The following ZNF503 variants were observed in gnomAD, a reference collection of about 807,000 sequenced individuals.
ZNF503 encodes the protein NocA-like zinc finger 2.
In ZNF503, 15 loss-of-function variants were observed where a neutral mutation model predicts 34.4. The ratio of observed to expected loss-of-function variants is 0.44; its 90% CI spans 0.29 to 0.67. ZNF503 has a LOEUF of 0.67. Ranked by LOEUF, ZNF503 falls within the 30% of genes least tolerant of loss-of-function variation. ZNF503 has a pLI of 0.13. For missense variants in ZNF503, 1,007 were observed against 926.8 expected, an observed-to-expected ratio of 1.09 and a Z score of -1.12; for synonymous variants, 580 against 456.8, an observed-to-expected ratio of 1.27 and a Z score of -3.44.
the ZNF503 span, among the ~76,000 whole-genome samples, chr10:75,306,798 A>C: frequency 1.6e-4 from 25 of 152,238 alleles, no homozygotes; most frequent in South Asian, 2.1e-3. Flanking sequence ...ATCTGTGATC[A>C]ATGATCTTAG....
the ZNF503 span, among the ~76,000 whole-genome samples, chr10:75,333,204 C>T: frequency 6.8e-5 from 8 of 117,256 alleles, no homozygotes; most frequent in East Asian, 2.6e-4. Flanking sequence ...CCTCACCTCC[C>T]GGACGGGGCG....
the ZNF503 span, among the ~76,000 whole-genome samples, chr10:75,329,402 C>CT: frequency 9.5e-5 from 8 of 84,240 alleles, no homozygotes; most frequent in African/African-American, 3.6e-4. Context: ...TCCTTCCTTC[C>CT]TTCCTTCCTT....
the ZNF503 span, among the ~76,000 whole-genome samples, chr10:75,304,482 G>T: frequency 6.6e-6 from 1 of 152,078 alleles, no homozygotes; most frequent in Non-Finnish European, 1.5e-5. Flanking sequence ...AAAACATATG[G>T]AGTCATGCCT....
At chr10:75,297,569 A>T in the ZNF503 span, among the ~76,000 whole-genome samples, 1 of 152,218 alleles carries the variant, frequency 6.6e-6, no homozygotes. Context: ...TAGCTCTAGA[A>T]ATGGGTATTA....
the ZNF503 span, among the ~76,000 whole-genome samples, chr10:75,376,673 T>A: frequency 3.3e-5 from 5 of 151,798 alleles, no homozygotes; most frequent in Admixed American, 2.6e-4. Context: ...CAAAAAAACC[T>A]GAGACTGGTT....
the ZNF503 span, among the ~76,000 whole-genome samples, chr10:75,280,555 C>CGTGT: frequency 0.031 from 4,510 of 146,564 alleles, 134 homozygotes; most frequent in African/African-American, 0.072. Flanking sequence ...GGTGTGTATG[C>CGTGT]GTGTGTGTGT....
the ZNF503 span, among the ~76,000 whole-genome samples, chr10:75,313,058 T>G: frequency 1.3e-5 from 2 of 152,204 alleles, no homozygotes; most frequent in East Asian, 3.9e-4. Flanking sequence ...TCCCCAGCCA[T>G]GTGGAACTGT....
At chr10:75,383,593 G>A in the ZNF503 span, among the ~76,000 whole-genome samples, 3 of 152,156 alleles carry the variant, frequency 2.0e-5, no homozygotes, top group South Asian at 6.2e-4. Context: ...TGACTCAGCC[G>A]CTCAGTCTCC....
At chr10:75,382,140 T>A in the ZNF503 span, among the ~76,000 whole-genome samples, 2 of 152,024 alleles carry the variant, frequency 1.3e-5, no homozygotes, top group African/African-American at 2.4e-5. Context: ...AACAAACCCA[T>A]AATTCAGTTC....
chr10:75,380,835 T>C, the ZNF503 span, among the ~76,000 whole-genome samples: 1 of 152,180 alleles, frequency 6.6e-6, no homozygotes, highest in Non-Finnish European at 1.5e-5. Context: ...CCATGCAATT[T>C]TATGTCTGAA....
chr10:75,314,123 A>G, the ZNF503 span, among the ~76,000 whole-genome samples: 1 of 152,110 alleles, frequency 6.6e-6, no homozygotes, highest in African/African-American at 2.4e-5. Flanking sequence ...TGCTAGACAA[A>G]TAATTTAATT....
intron 1 of ZNF503, 146 bp downstream of exon 1, chr10:75,400,959 G>A: frequency 8.3e-7 from 1 of 1,205,478 alleles, no homozygotes; most frequent in African/African-American, 1.5e-5. Context: ...CCCTAGTTTT[G>A]AGGTACGGAA....
At chr10:75,378,232 C>G in the ZNF503 span, among the ~76,000 whole-genome samples, 1 of 152,100 alleles carries the variant, frequency 6.6e-6, no homozygotes, top group African/African-American at 2.4e-5. Flanking sequence ...ATATCAGACC[C>G]CTACCCTCCT....
chr10:75,325,251 G>T, the ZNF503 span, among the ~76,000 whole-genome samples: 1 of 151,692 alleles, frequency 6.6e-6, no homozygotes, highest in Non-Finnish European at 1.5e-5. Flanking sequence ...GACTCTATTT[G>T]TCTGGGTCTA....
chr10:75,333,639 C>G, the ZNF503 span, among the ~76,000 whole-genome samples: 147 of 49,662 alleles, frequency 3.0e-3, 4 homozygotes, highest in African/African-American at 0.016. Context: ...GGGGGGCTGA[C>G]CCCCCCACCT....
chr10:75,362,638 C>T, the ZNF503 span, among the ~76,000 whole-genome samples: 1 of 152,164 alleles, frequency 6.6e-6, no homozygotes, highest in Non-Finnish European at 1.5e-5. Flanking sequence ...TGCCATAAAA[C>T]ATTTATTACA....
the ZNF503 span, among the ~76,000 whole-genome samples, chr10:75,379,248 C>A: frequency 6.6e-6 from 1 of 152,096 alleles, no homozygotes; most frequent in Non-Finnish European, 1.5e-5. Flanking sequence ...ATGCTACGAG[C>A]CCTATTACCA....
the ZNF503 span, among the ~76,000 whole-genome samples, chr10:75,312,345 G>C: frequency 6.6e-6 from 1 of 152,166 alleles, no homozygotes; most frequent in African/African-American, 2.4e-5. Flanking sequence ...AAGTGGATGG[G>C]ATTGAAGGAA....
chr10:75,284,815 T>C, the ZNF503 span, among the ~76,000 whole-genome samples: 5 of 152,194 alleles, frequency 3.3e-5, no homozygotes, highest in Admixed American at 1.3e-4. Flanking sequence ...TACTATTAGC[T>C]GGGGTTACTG....
Sources: allele counts gnomAD v4.1 joint callset (sites outside exome capture counted in the v4.1 genomes callset), GRCh38; gene constraint gnomAD v4.1.1; transcripts MANE v1.5; gene names NCBI Gene and HGNC (gene_info 2026-07-23, HGNC 2026-07-21).